The following SERPINA6 variants were observed in gnomAD, a reference collection of about 807,000 sequenced individuals.
SERPINA6 encodes the protein serpin family A member 6.
SERPINA6 carries 19 observed loss-of-function variants against 26.4 expected under a neutral mutation model. The observed-to-expected ratio is 0.72, with a 90% CI of 0.50 to 1.06. The LOEUF (loss-of-function observed/expected upper bound fraction) is 1.06, where lower values mean the gene tolerates loss of function less well. Ranked by LOEUF, SERPINA6 falls within the 50% of genes least tolerant of loss-of-function variation. SERPINA6 has a pLI of 0.00. For synonymous variants in SERPINA6, 196 were observed against 199.4 expected (o/e 0.98, Z 0.14); for missense variants, 473 against 504.0 (o/e 0.94, Z 0.59).
At chr14:94,321,785 C>A (rs1895687230) in intron 1 of SERPINA6, among the ~76,000 whole-genome samples, 1 of 152,182 alleles carries the variant, frequency 6.6e-6, no homozygotes, top group Non-Finnish European at 1.5e-5. Context: ...TATGGCCTTG[C>A]CCCATGACAG....
intron 3 of SERPINA6, among the ~76,000 whole-genome samples, chr14:94,307,136 G>A (rs562094414): frequency 2.6e-5 from 4 of 152,264 alleles, no homozygotes; most frequent in South Asian, 2.1e-4. Context: ...CTCCAGGTGC[G>A]GAAATAGTAA....
Position 94,304,535 on chromosome 14 carries a change from G to A in SERPINA6, c.1101C>T (p.Thr367=), listed in dbSNP as rs1469523371. Residue 367 remains threonine, a synonymous_variant, in exon 5 of 5, where the codon ACC becomes ACT. Coordinates refer to ENST00000341584, the MANE Select transcript of SERPINA6 (RefSeq NM_001756.4). ...GVDTAGSTGV[T]LNLTSKPIIL... The stretch of plus-strand genomic sequence containing the variant: ...TGATAGGCTTGGACGTCAGGTTTAG[G>A]GTGACCCCAGTGGAGCCAGCTGTGT... The A allele has an allele frequency of 1.2e-6, 2 of 1,614,172 alleles. No homozygotes were observed. Among genetic ancestry groups the A allele is most frequent in the Non-Finnish European group, 1.7e-6 (2 of 1,180,008 alleles).
chr14:94,311,973 A>C (rs1895537933), intron 2 of SERPINA6, among the ~76,000 whole-genome samples: 1 of 152,140 alleles, frequency 6.6e-6, no homozygotes, highest in African/African-American at 2.4e-5. Flanking sequence ...AAATAAATAA[A>C]TAAATAACAC....
intron 3 of SERPINA6, among the ~76,000 whole-genome samples, chr14:94,308,905 C>G (rs1002807178): frequency 5.3e-5 from 8 of 152,066 alleles, no homozygotes; most frequent in Non-Finnish European, 7.4e-5. Context: ...CACTCACTCA[C>G]CATTCTATGC....
Position 94,314,773 on chromosome 14 carries a change from C to T in SERPINA6, c.-19-106G>A, listed in dbSNP as rs1895589916. On this transcript the variant is annotated intron_variant, in intron 1 of 4. Transcript: ENST00000341584. ...GACCCCATTCAAGCCCCAGTTCCTT[C>T]CTCCACACTGGCTGTGTGACCTGGA... 10 of 1,044,288 alleles carry T rather than the reference C, an allele frequency of 9.6e-6. 1 individual carries two copies. The highest frequency in any genetic ancestry group is 1.5e-5 in the Non-Finnish European group (10 of 684,168). The allele number at this position is 1,044,288 out of a possible 1,614,324, so 64.7% of individuals were successfully genotyped here.
intron 2 of SERPINA6, among the ~76,000 whole-genome samples, chr14:94,311,429 A>T (rs1895528232): frequency 6.6e-6 from 1 of 152,042 alleles, no homozygotes; most frequent in Non-Finnish European, 1.5e-5. Flanking sequence ...CTTTTCTAGG[A>T]GTAAGCATAA....
At chr14:94,308,930 C>G (rs555893077) in intron 3 of SERPINA6, among the ~76,000 whole-genome samples, 1 of 152,182 alleles carries the variant, frequency 6.6e-6, no homozygotes, top group Non-Finnish European at 1.5e-5. Context: ...ACTCACCATT[C>G]TATGCACTCA....
chr14:94,313,866 A>C, intron 2 of SERPINA6, 170 bp downstream of exon 2: 1 of 841,004 alleles, frequency 1.2e-6, no homozygotes, highest in Non-Finnish European at 2.0e-6. Flanking sequence ...ATCTTTTGTA[A>C]AATAATATAA....
Position 94,320,435 on chromosome 14 carries a change from A to G in SERPINA6, c.-20+2832T>C, listed in dbSNP as rs982647632. Reference sequence around the variant, plus strand: ...CTGCTCAGACATGTTCAAACAAGGCAAACACAGAGCTGTAACCTATCAGCC... The same window carrying G: ...CTGCTCAGACATGTTCAAACAAGGCGAACACAGAGCTGTAACCTATCAGCC... On this transcript the variant is annotated intron_variant, in intron 1 of 4. Coordinates refer to ENST00000341584, the MANE Select transcript of SERPINA6 (RefSeq NM_001756.4). 3.3e-5 allele frequency among the ~76,000 whole-genome samples: 5 copies of G among 152,250 alleles called. No individual in the cohort carries two copies. The East Asian group carries it at 9.6e-4, about 29-fold the overall frequency.
At position 94,304,341 on chromosome 14, in the gene SERPINA6, C is replaced by T. The variant is rs906210405; in HGVS notation, c.*77G>A. 25 of 1,448,266 alleles carry T rather than the reference C, an allele frequency of 1.7e-5. No individual in the cohort carries two copies. Among genetic ancestry groups the T allele is most frequent in the African/African-American group, 1.7e-4 (12 of 71,666 alleles). 89.7% of individuals were successfully genotyped at this position (1,448,266 alleles called of 1,614,324 possible). ...ACTTGGAGGAGATTGGGGGAAACCT[C>T]CCGCTCTCCAAAACATTTCTGTGGG... On this transcript the variant is annotated 3_prime_UTR_variant, in exon 5 of 5. Transcript: ENST00000341584.
rs760917391 is a variant in SERPINA6, at chr14:94,314,197, T to C, written c.452A>G (p.Tyr151Cys). 1.2e-5 allele frequency: 20 copies of C among 1,614,096 alleles called. No individual in the cohort carries two copies. In the Admixed American group the frequency reaches 1.5e-4, roughly 12 times the overall value. Residue 151 changes from tyrosine to cysteine, a missense_variant, in exon 2 of 5, where the codon TAT becomes TGT. Tyr to Cys is a radical substitution (Grantham distance 194). Coordinates refer to ENST00000341584, the MANE Select transcript of SERPINA6 (RefSeq NM_001756.4). ...ESFSADIKHY[Y>C]ESEVLAMNFQ... Reference sequence around the variant, plus strand: ...ATTCATAGCCAAGACCTCTGACTCATAGTAGTGCTTGATGTCTGCTGAGAA... The same window carrying C: ...ATTCATAGCCAAGACCTCTGACTCACAGTAGTGCTTGATGTCTGCTGAGAA...
At chr14:94,315,198 C>T (rs1402836008) in intron 1 of SERPINA6, among the ~76,000 whole-genome samples, 1 of 152,060 alleles carries the variant, frequency 6.6e-6, no homozygotes, top group East Asian at 1.9e-4. Flanking sequence ...AAATAAAAGA[C>T]CTCTGGTAAA....
In SERPINA6 at chr14:94,314,681, A is replaced by C. The variant is rs1326109318; in HGVS notation, c.-19-14T>G. The C allele has an allele frequency of 6.2e-7, 1 of 1,607,300 alleles. No individual in the cohort carries two copies. Among genetic ancestry groups the C allele is most frequent in the Admixed American group, 1.7e-5 (1 of 60,024 alleles). On this transcript the variant is annotated splice_polypyrimidine_tract_variant and intron_variant, in intron 1 of 4. Coordinates refer to ENST00000341584, the MANE Select transcript of SERPINA6 (RefSeq NM_001756.4). ...TATAGCCAGGCCCTGCCAAATCAGA[A>C]AAGCTTGTTAGATGCTGTGGCAGTC...
At chr14:94,305,998 G>A in intron 4 of SERPINA6, 73 bp downstream of exon 4, 1 of 1,571,744 alleles carries the variant, frequency 6.4e-7, no homozygotes. Flanking sequence ...CGAACTCAGT[G>A]CCACTTCCTA....
At chr14:94,308,868 C>CTCCATTCACTCACTCACCCA (rs1326741538) in intron 3 of SERPINA6, among the ~76,000 whole-genome samples, 7 of 152,226 alleles carry the variant, frequency 4.6e-5, no homozygotes, top group Non-Finnish European at 1.0e-4. Flanking sequence ...TTTACTCATT[C>CTCCATTCACTCACTCACCCA]TCCATTCACT....
chr14:94,306,078 G>A lies in SERPINA6; in HGVS notation c.1025C>T (p.Ser342Leu). 1 of 1,614,216 alleles carries A rather than the reference G, an allele frequency of 6.2e-7. No individual in the cohort carries two copies. The highest frequency in any genetic ancestry group is 8.5e-7 in the Non-Finnish European group (1 of 1,180,038). The stretch of plus-strand genomic sequence containing the variant: ...GGTTCCCATGACATTTACCTTTGAT[G>A]ACTTCAGCTGGGCGTCCTGGGTGAT... ...SRITQDAQLK[S>L]SKVVHKAVLQ... The change falls in exon 4 of 5, where the codon TCA becomes TTA. Residue 342 changes from serine to leucine, a missense_variant. Coordinates refer to ENST00000341584, the MANE Select transcript of SERPINA6 (RefSeq NM_001756.4).
chr14:94,321,879 C>A (rs1021490526), intron 1 of SERPINA6, among the ~76,000 whole-genome samples: 1 of 152,162 alleles, frequency 6.6e-6, no homozygotes, highest in African/African-American at 2.4e-5. Context: ...CGGTATGATG[C>A]CAATGGTAGG....
chr14:94,305,263 A>G (rs967812174), intron 4 of SERPINA6, among the ~76,000 whole-genome samples: 1 of 152,182 alleles, frequency 6.6e-6, no homozygotes, highest in Non-Finnish European at 1.5e-5. Context: ...ACCCATGGCT[A>G]GGAAGAAGCT....
chr14:94,314,575 G>T lies in SERPINA6; in HGVS notation c.74C>A (p.Pro25His). 6.2e-7 allele frequency: 1 copy of T among 1,614,226 alleles called. No individual in the cohort carries two copies. The highest frequency in any genetic ancestry group is 1.1e-5 in the South Asian group (1 of 91,086). ...SGLWTVQAMD[P>H]NAAYVNMSNH... ...ACTCATGTTCACATAAGCAGCGTTA[G>T]GATCCATGGCCTGGACGGTCCAGAG... Residue 25 changes from proline to histidine, a missense_variant, in exon 2 of 5, where the codon CCT (proline) becomes CAT (histidine). Physicochemically the swap from Pro to His is moderately conservative, Grantham distance 77 (BLOSUM62 -2). Transcript: ENST00000341584.
Sources: allele counts gnomAD v4.1 joint callset (sites outside exome capture counted in the v4.1 genomes callset), GRCh38; gene constraint gnomAD v4.1.1; transcripts MANE v1.5; gene names NCBI Gene and HGNC (gene_info 2026-07-23, HGNC 2026-07-21).